Variants in ERBB3 observed in about 807,000 individuals in gnomAD.
ERBB3 encodes the protein erb-b2 receptor tyrosine kinase 3.
Under a neutral mutation model 156.7 loss-of-function variants are expected in ERBB3, and 96 were observed. That is an observed-to-expected ratio of 0.61 (90% CI 0.52 to 0.73). The LOEUF (loss-of-function observed/expected upper bound fraction) is 0.73, where lower values mean the gene tolerates loss of function less well. Ranked by LOEUF, ERBB3 falls within the 30% of genes least tolerant of loss-of-function variation. The pLI, the probability that ERBB3 is intolerant of heterozygous loss-of-function variation, is 0.00. For missense variants in ERBB3, 1,406 were observed against 1,709.4 expected (o/e 0.82, Z 3.13); for synonymous variants, 567 against 632.0 (o/e 0.90, Z 1.54).
At chr12:56,089,790 T>C (rs769465650) in intron 9 of ERBB3, among the ~76,000 whole-genome samples, 4 of 151,854 alleles carry the variant, frequency 2.6e-5, no homozygotes, top group Non-Finnish European at 5.9e-5. Context: ...CCCATGACTT[T>C]TAGCTGTTTT....
chr12:56,087,083 G>A (rs1868510225), intron 4 of ERBB3, among the ~76,000 whole-genome samples: 1 of 150,298 alleles, frequency 6.7e-6, no homozygotes, highest in African/African-American at 2.5e-5. Context: ...GCTGCAGTGA[G>A]CTGTGATTGT....
chr12:56,085,179 C>T lies in ERBB3; in HGVS notation c.419C>T (p.Thr140Ile), dbSNP rs2136788714. ...CGCCAGCTCCGCTTGACTCAGCTCACCGGTCAGTTCCCGATGGTTCCTTCT... is the reference window on the plus strand; with the variant it reads ...CGCCAGCTCCGCTTGACTCAGCTCATCGGTCAGTTCCCGATGGTTCCTTCT... Reference protein sequence around the residue: ...ALRQLRLTQLTEILSGGVYIE... With the variant: ...ALRQLRLTQLIEILSGGVYIE... The change falls in exon 3 of 28, where the codon ACC becomes ATC. Residue 140 changes from threonine to isoleucine, a missense_variant and splice_region_variant. By Grantham distance (89) the Thr-to-Ile change is moderately conservative (BLOSUM62 -1). Around this residue, in one of 3 missense-constraint regions of ERBB3, gnomAD observed 979 missense variants for 1,219.6 expected, o/e 0.80. Transcript: ENST00000267101. 6.2e-7 allele frequency: 1 copy of T among 1,614,172 alleles called. No homozygotes were observed. Among genetic ancestry groups the T allele is most frequent in the South Asian group, 1.1e-5 (1 of 91,088 alleles).
chr12:56,102,389 TG>T lies in ERBB3; in HGVS notation c.*336del. 2.9e-6 allele frequency: 1 copy of T among 346,160 alleles called. No individual in the cohort carries two copies. The allele number at this position is 346,160 out of a possible 1,614,324, so 21.4% of individuals were successfully genotyped here. On this transcript the variant is annotated 3_prime_UTR_variant, in exon 28 of 28. Transcript: ENST00000267101. ...CCTTCCTCTCAGGCTCTTGACTACT[TG>T]GAACTAGGCTCTTATGTGTGCCTTT... is the stretch of plus-strand genomic sequence containing the variant.
At chr12:56,086,491 G>A (rs750714635) in intron 3 of ERBB3, 40 bp from the exon 4 acceptor site, 8 of 1,613,292 alleles carry the variant, frequency 5.0e-6, no homozygotes, top group Middle Eastern at 1.7e-4. Flanking sequence ...GAGGCGTTCC[G>A]CTGCGGCCCT....
rs536697358 is a variant in ERBB3 at position 56,094,077 on chromosome 12, CT to C, written c.1614-21del. On this transcript the variant is annotated intron_variant, in intron 13 of 27. Coordinates refer to ENST00000267101, the MANE Select transcript of ERBB3 (RefSeq NM_001982.4). ...GTCAGGACTTGGAAGTGACCCCCCC[CT>C]CCCTTTATTCCCCACTACAGGGAGC... The C allele has an allele frequency of 3.8e-3, 6,030 of 1,598,630 alleles. 1 individual carries two copies. The highest frequency in any genetic ancestry group is 3.9e-3 in the Non-Finnish European group (4,516 of 1,166,342).
chr12:56,095,792 T>C lies in ERBB3; in HGVS notation c.2041T>C (p.Leu681=), dbSNP rs142303928. 4.5e-5 allele frequency: 73 copies of C among 1,614,214 alleles called. No individual in the cohort carries two copies. The African/African-American group carries it at 8.8e-4, about 19-fold the overall frequency. The change falls in exon 17 of 28, where the codon TTG becomes CTG. Residue 681 remains leucine (L), a synonymous_variant. Transcript: ENST00000267101. The part of the protein sequence containing the change: ...IQNKRAMRRY[L]ERGESIEPLD... ...GAATAAAAGGGCTATGAGGCGATAC[T>C]TGGAACGGGGTGAGGTGAGTACTTA...
chr12:56,095,698 AG>A lies in ERBB3; in HGVS notation c.1948del (p.Ala650GlnfsTer4). On this transcript the variant is annotated frameshift_variant, in exon 17 of 28. Coordinates refer to ENST00000267101, the MANE Select transcript of ERBB3 (RefSeq NM_001982.4). LOFTEE classifies it high-confidence loss of function. ...ATCTGACAATGGCTTTGACAGTGAT[AG>A]CAGGATTGGTAGTGATTTTCATGAT... ...THLTMALTVI[A>X]GLVVIFMMLG... is the part of the protein sequence containing the mutation. The A allele has an allele frequency of 6.2e-7, 1 of 1,614,220 alleles. No individual in the cohort carries two copies. The highest frequency in any genetic ancestry group is 8.5e-7 in the Non-Finnish European group (1 of 1,180,034).
At position 56,100,291 on chromosome 12, in the gene ERBB3, C is replaced by T. The variant is rs746329416; in HGVS notation, c.3201+46C>T. 29 of 1,420,830 alleles carry T rather than the reference C, an allele frequency of 2.0e-5. No individual in the cohort carries two copies. In the Middle Eastern group the frequency reaches 5.2e-4, roughly 26 times the overall value. The allele number at this position is 1,420,830 out of a possible 1,614,324, so 88.0% of individuals were successfully genotyped here. A position where few individuals can be genotyped will look rare whatever the true frequency, so the allele number is the denominator to read the frequency against. ...GCTGGGTTTTAGGATCAGATTGATA[C>T]GAGTAGTATGGAAGACATTAGAAAC... On this transcript the variant is annotated intron_variant, in intron 26 of 27. Transcript: ENST00000267101.
At position 56,080,471 on chromosome 12, in the gene ERBB3, G is replaced by A. The variant is rs1363514031; in HGVS notation, c.82+89G>A. 3.7e-6 allele frequency: 4 copies of A among 1,095,772 alleles called. No individual in the cohort carries two copies. In the East Asian group the frequency reaches 7.8e-5, roughly 21 times the overall value. The allele number at this position is 1,095,772 out of a possible 1,614,324, so 67.9% of individuals were successfully genotyped here. ...TCGGAGGGTATGGGCACGGTCTCAG[G>A]CGGCGCGGGGTTGTGGGTGCTGCCC... On this transcript the variant is annotated intron_variant, in intron 1 of 27. Coordinates refer to ENST00000267101, the MANE Select transcript of ERBB3 (RefSeq NM_001982.4).
intron 9 of ERBB3, among the ~76,000 whole-genome samples, chr12:56,089,903 A>C (rs2136801568): frequency 1.9e-5 from 1 of 52,662 alleles, no homozygotes; most frequent in African/African-American, 4.9e-5. Flanking sequence ...CACTATGACC[A>C]CCTGTTTTTT....
At chr12:56,089,133 T>G (rs1868585344) in intron 9 of ERBB3, 1 of 544,302 alleles carries the variant, frequency 1.8e-6, no homozygotes, top group Non-Finnish European at 3.5e-6. Flanking sequence ...GTTTTCTTTT[T>G]TATTCTTTTT....
chr12:56,080,325 G>C lies in ERBB3; in HGVS notation c.25G>C (p.Val9Leu), dbSNP rs933549006. 1.3e-6 allele frequency: 2 copies of C among 1,584,782 alleles called. No homozygotes were observed. The highest frequency in any genetic ancestry group is 1.7e-6 in the Non-Finnish European group (2 of 1,164,466). MRANDALQ[V>L]LGLLFSLARG... is the part of the protein sequence containing the mutation. ...CATGAGGGCGAACGACGCTCTGCAG[G>C]TGCTGGGCTTGCTTTTCAGCCTGGC... Residue 9 changes from valine (V) to leucine (L), a missense_variant, in exon 1 of 28, where the codon GTG (valine) becomes CTG (leucine). Val to Leu is a conservative substitution (Grantham distance 32, BLOSUM62 1). Around this residue, in one of 3 missense-constraint regions of ERBB3, gnomAD observed 979 missense variants for 1,219.6 expected, o/e 0.80. Transcript: ENST00000267101.
chr12:56,088,511 A>G, intron 7 of ERBB3, 32 bp from the exon 8 acceptor site: 2 of 1,482,478 alleles, frequency 1.3e-6, no homozygotes, highest in Non-Finnish European at 1.9e-6. Flanking sequence ...TTCCTCCCTC[A>G]TCTCTAATGG....
intron 1 of ERBB3, chr12:56,083,449 C>T: frequency 2.4e-6 from 1 of 425,290 alleles, no homozygotes; most frequent in Non-Finnish European, 4.4e-6. Flanking sequence ...GAAACAAATT[C>T]CCTGTCTTCC....
chr12:56,097,955 AG>A lies in ERBB3; in HGVS notation c.2616+18del. On this transcript the variant is annotated intron_variant, in intron 21 of 27. Transcript: ENST00000267101. ...GTGAGGCCAAGGTGAGGAGACACAA[AG>A]GGTAAGGAGGCGGGGGTGGAGTGAA... 1 of 1,612,158 alleles carries A rather than the reference AG, an allele frequency of 6.2e-7. No individual in the cohort carries two copies. The highest frequency in any genetic ancestry group is 2.0e-4 in the Middle Eastern group (1 of 4,940).
chr12:56,094,505 A>T lies in ERBB3; in HGVS notation c.1808A>T (p.Tyr603Phe). The T allele has an allele frequency of 1.9e-6, 3 of 1,614,150 alleles. No individual in the cohort carries two copies. Among genetic ancestry groups the T allele is most frequent in the Non-Finnish European group, 2.5e-6 (3 of 1,180,032 alleles). Reference protein sequence around the residue: ...VLGAKGPIYKYPDVQNECRPC... With the variant: ...VLGAKGPIYKFPDVQNECRPC... ...GGTGCCAAGGGCCCAATCTACAAGT[A>T]CCCAGATGTTCAGAATGAATGTCGG... Residue 603 changes from tyrosine to phenylalanine, a missense_variant, in exon 15 of 28, where the codon TAC becomes TTC. Physicochemically the swap from Tyr to Phe is conservative, Grantham distance 22. This residue lies in a region of ERBB3 where 979 missense variants were observed against 1,219.6 expected (regional missense o/e 0.80). Transcript: ENST00000267101.
In ERBB3 at chr12:56,091,273, TATATATATATATATATATATATAAATA is replaced by T. The variant is rs1565858454; in HGVS notation, c.1110-1464_1110-1438del. 2.4e-4 allele frequency among the ~76,000 whole-genome samples: 3 copies of T among 12,684 alleles called. No individual in the cohort carries two copies. The East Asian group carries it at 8.7e-3, about 37-fold the overall frequency. The allele number at this position is 12,684 out of a possible 152,430, so 8.3% of individuals were successfully genotyped here. A position where few individuals can be genotyped will look rare whatever the true frequency, so the allele number is the denominator to read the frequency against. On this transcript the variant is annotated intron_variant, in intron 9 of 27. Transcript: ENST00000267101. ...CACCATGCTTGGCTAATTTTATATA[TATATATATATATATATATATATAAATA>T]ATATATATAAATATAAATATATATA...
Position 56,102,355 on chromosome 12 carries a change from C to T in ERBB3, c.*300C>T, listed in dbSNP as rs1221605116. On this transcript the variant is annotated 3_prime_UTR_variant, in exon 28 of 28. Transcript: ENST00000267101. ...ACTCCTGGAGATATGAAGGATTACT[C>T]TCCATATCCCTTCCTCTCAGGCTCT... The T allele has an allele frequency of 2.4e-6, 1 of 411,412 alleles. No individual in the cohort carries two copies. Among genetic ancestry groups the T allele is most frequent in the Non-Finnish European group, 4.4e-6 (1 of 225,238 alleles). 25.5% of individuals were successfully genotyped at this position (411,412 alleles called of 1,614,324 possible). A position where few individuals can be genotyped will look rare whatever the true frequency, so the allele number is the denominator to read the frequency against.
Position 56,080,795 on chromosome 12 carries a change from A to G in ERBB3, c.82+413A>G, listed in dbSNP as rs1348648038. On this transcript the variant is annotated intron_variant, in intron 1 of 27. Coordinates refer to ENST00000267101, the MANE Select transcript of ERBB3 (RefSeq NM_001982.4). ...CCTGCCCCCCACCCGCGCCGATTTCAGCTACCCCTAGTTTCGTTGTTTTGC... is the reference window on the plus strand; with the variant it reads ...CCTGCCCCCCACCCGCGCCGATTTCGGCTACCCCTAGTTTCGTTGTTTTGC... Among the ~76,000 whole-genome samples, 3 of 151,986 alleles carry G rather than the reference A, an allele frequency of 2.0e-5. No individual in the cohort carries two copies. In the East Asian group the frequency reaches 5.8e-4, roughly 29 times the overall value.
Sources: gnomAD v4.1 joint callset for allele counts (sites outside exome capture counted in the v4.1 genomes callset) on GRCh38, gnomAD v4.1.1 for gene constraint, gnomAD v4.1.1 regional missense constraint, MANE v1.5 for transcripts, NCBI Gene and HGNC (gene_info 2026-07-23, HGNC 2026-07-21) for gene names.